The following MDH2 variants were observed in gnomAD, a reference collection of about 807,000 sequenced individuals.
The protein encoded by MDH2 is malate dehydrogenase 2, also known as malate dehydrogenase, mitochondrial.
Under a neutral mutation model 33.6 loss-of-function variants are expected in MDH2, and 25 were observed. That is an observed-to-expected ratio of 0.74 (90% confidence interval 0.54 to 1.04). The LOEUF (loss-of-function observed/expected upper bound fraction) is 1.04. Among genes scored for constraint, MDH2 ranks in the 50% least tolerant of loss-of-function variants. MDH2 has a pLI of 0.00. For synonymous variants in MDH2, 193 were observed against 188.7 expected (o/e 1.02, Z -0.19); for missense variants, 432 against 445.0 (o/e 0.97, Z 0.26).
chr7:76,066,161 C>T (rs1554587839), intron 8 of MDH2, 118 bp from the exon 9 acceptor site: 3 of 1,323,298 alleles, frequency 2.3e-6, no homozygotes, highest in Admixed American at 2.3e-5. Context: ...CAGCAAGGCA[C>T]CCAGAACCCG....
In MDH2 at chr7:76,048,204, G is replaced by A; in HGVS notation, c.44G>A (p.Arg15His). ...LARPASAALR[R>H]SFSTSAQNNA... is the part of the protein sequence containing the mutation. ...CGGCCTGCCAGCGCTGCTCTCCGCC[G>A]CAGCTTCAGCACCTCGGCCCAGGTA... Residue 15 changes from arginine to histidine, a missense_variant, in exon 1 of 9, where the codon CGC becomes CAC. By Grantham distance (29) the Arg-to-His change is conservative. Coordinates refer to ENST00000315758, the MANE Select transcript of MDH2 (RefSeq NM_005918.4). 1.3e-6 allele frequency: 2 copies of A among 1,536,130 alleles called. No homozygotes were observed. Among genetic ancestry groups the A allele is most frequent in the Non-Finnish European group, 1.7e-6 (2 of 1,146,796 alleles).
In MDH2 at chr7:76,048,217, C is replaced by G; in HGVS notation, c.57C>G (p.Thr19=). 1 of 1,535,618 alleles carries G rather than the reference C, an allele frequency of 6.5e-7. No homozygotes were observed. Among genetic ancestry groups the G allele is most frequent in the Non-Finnish European group, 8.7e-7 (1 of 1,146,616 alleles). ...CTGCTCTCCGCCGCAGCTTCAGCAC[C>G]TCGGCCCAGGTAGGCCAGACGAGGG... is the stretch of plus-strand genomic sequence containing the variant. ...ASAALRRSFS[T]SAQNNAKVAV... The change falls in exon 1 of 9, where the codon ACC becomes ACG. Residue 19 remains threonine, a synonymous_variant. Transcript: ENST00000315758.
intron 1 of MDH2, 77 bp from the exon 2 acceptor site, chr7:76,054,753 C>A: frequency 6.5e-7 from 1 of 1,549,878 alleles, no homozygotes; most frequent in Non-Finnish European, 8.8e-7. Context: ...AGGCCCAGTG[C>A]AACATTATAG....
Position 76,048,986 on chromosome 7 carries a change from G to T in MDH2, c.66+760G>T, listed in dbSNP as rs1585393653. 1.9e-4 allele frequency: 7 copies of T among 36,842 alleles called. 1 individual carries two copies. The South Asian group carries it at 4.3e-3, about 23-fold the overall frequency. The allele number at this position is 36,842 out of a possible 1,614,324, so 2.3% of individuals were successfully genotyped here. A position where few individuals can be genotyped will look rare whatever the true frequency, so the allele number is the denominator to read the frequency against. On this transcript the variant is annotated intron_variant, in intron 1 of 8. Transcript: ENST00000315758. Reference sequence around the variant, plus strand: ...ATTGAAGAAGCTTAAGACTGCGGGGGGGGGGGGGGGGGTCCGCATTTTTAC... The same window carrying T: ...ATTGAAGAAGCTTAAGACTGCGGGGTGGGGGGGGGGGGTCCGCATTTTTAC...
At chr7:76,056,391 G>A (rs962900499) in intron 2 of MDH2, among the ~76,000 whole-genome samples, 18 of 152,240 alleles carry the variant, frequency 1.2e-4, no homozygotes, top group Non-Finnish European at 1.2e-4. Flanking sequence ...CTCTGACAGC[G>A]TATGCGATAC....
intron 1 of MDH2, among the ~76,000 whole-genome samples, chr7:76,050,571 G>A (rs1797592508): frequency 1.3e-5 from 2 of 152,160 alleles, no homozygotes; most frequent in African/African-American, 4.8e-5. Context: ...GTAAAACTTT[G>A]GTATTTTCTC....
intron 8 of MDH2, chr7:76,065,313 C>T (rs1447040669): frequency 2.1e-5 from 4 of 190,240 alleles, no homozygotes; most frequent in South Asian, 1.3e-4. Context: ...CTGCGGGGGG[C>T]GGCCAGGCCC....
At chr7:76,050,057 A>G (rs1381234505) in intron 1 of MDH2, among the ~76,000 whole-genome samples, 7 of 151,104 alleles carry the variant, frequency 4.6e-5, no homozygotes, top group African/African-American at 1.7e-4. Context: ...GACCTGACAG[A>G]GTCCCACTCT....
chr7:76,065,143 A>ACCTCC, intron 8 of MDH2, 190 bp downstream of exon 8: 3 of 591,162 alleles, frequency 5.1e-6, no homozygotes, highest in Non-Finnish European at 8.5e-6. Context: ...TGAAGGGTGA[A>ACCTCC]CCTCCCAGCA....
chr7:76,066,393 G>C lies in MDH2; in HGVS notation c.1000G>C (p.Val334Leu). The change falls in exon 9 of 9, where the codon GTG (valine) becomes CTG (leucine). Residue 334 changes from valine to leucine, a missense_variant. Val to Leu is a conservative substitution (Grantham distance 32). Transcript: ENST00000315758. ...KASIKKGEDF[V>L]KTLK is the part of the protein sequence containing the mutation. ...CTCCATCAAGAAGGGGGAAGATTTC[G>C]TGAAGACCCTGAAGTGAGCCGCTGT... is the stretch of plus-strand genomic sequence containing the variant. 2 of 1,611,822 alleles carry C rather than the reference G, an allele frequency of 1.2e-6. No individual in the cohort carries two copies. Among genetic ancestry groups the C allele is most frequent in the Non-Finnish European group, 8.5e-7 (1 of 1,179,414 alleles).
At position 76,058,909 on chromosome 7, in the gene MDH2, G is replaced by A. The variant is rs141997831; in HGVS notation, c.429+831G>A. ...CAAAGGGTTGACCCCTGTCCTGGGCGGGATGGAGCCAGAGTTCATCCTGCT... is the reference window on the plus strand; with the variant it reads ...CAAAGGGTTGACCCCTGTCCTGGGCAGGATGGAGCCAGAGTTCATCCTGCT... On this transcript the variant is annotated intron_variant, in intron 4 of 8. Coordinates refer to ENST00000315758, the MANE Select transcript of MDH2 (RefSeq NM_005918.4). Among the ~76,000 whole-genome samples, 206 of 152,294 alleles carry A rather than the reference G, an allele frequency of 1.4e-3. 8 individuals carry two copies. In the South Asian group the frequency reaches 0.038, roughly 28 times the overall value.
At chr7:76,059,889 T>C (rs1263065663) in intron 4 of MDH2, among the ~76,000 whole-genome samples, 4 of 152,150 alleles carry the variant, frequency 2.6e-5, no homozygotes, top group Non-Finnish European at 5.9e-5. Flanking sequence ...AGTCATTTAG[T>C]ATTTATGACT....
At chr7:76,054,446 T>G (rs1797712112) in intron 1 of MDH2, 1 of 268,084 alleles carries the variant, frequency 3.7e-6, no homozygotes, top group African/African-American at 2.3e-5. Context: ...AGCAGGGATC[T>G]TCCTGCAACC....
At position 76,066,344 on chromosome 7, in the gene MDH2, G is replaced by C. The variant is rs140818187; in HGVS notation, c.951G>C (p.Ser317=). Residue 317 remains serine (S), a synonymous_variant, in exon 9 of 9, where the codon TCG becomes TCC. Coordinates refer to ENST00000315758, the MANE Select transcript of MDH2 (RefSeq NM_005918.4). ...KVSSFEEKMI[S]DAIPELKASI... ...CCTCTTTTGAGGAGAAGATGATCTCGGATGCCATCCCCGAGCTGAAGGCCT... is the reference window on the plus strand; with the variant it reads ...CCTCTTTTGAGGAGAAGATGATCTCCGATGCCATCCCCGAGCTGAAGGCCT... 1.1e-5 allele frequency: 18 copies of C among 1,610,618 alleles called. No individual in the cohort carries two copies. The highest frequency in any genetic ancestry group is 2.7e-5 in the African/African-American group (2 of 73,894).
chr7:76,049,192 C>A, intron 1 of MDH2: 1 of 821,486 alleles, frequency 1.2e-6, no homozygotes, highest in Non-Finnish European at 1.5e-6. Context: ...GGATTGATGG[C>A]TACTTCCCAT....
intron 1 of MDH2, among the ~76,000 whole-genome samples, chr7:76,049,345 G>A (rs1388056063): frequency 2.0e-5 from 3 of 152,180 alleles, no homozygotes; most frequent in African/African-American, 4.8e-5. Context: ...TGGGGGCCCA[G>A]CTGTATACAG....
intron 4 of MDH2, among the ~76,000 whole-genome samples, chr7:76,059,261 T>C (rs1282081208): frequency 6.6e-6 from 1 of 152,208 alleles, no homozygotes; most frequent in Admixed American, 6.5e-5. Context: ...AACCCATGAA[T>C]TCTTTATTTC....
rs1242693093 is a variant in MDH2 at position 76,052,711 on chromosome 7, A to AT, written c.67-2111dup. 8.6e-4 allele frequency among the ~76,000 whole-genome samples: 130 copies of AT among 151,612 alleles called. 2 individuals are homozygous for AT. Among genetic ancestry groups the AT allele is most frequent in the Non-Finnish European group, 2.8e-4 (19 of 67,886 alleles). ...CGGTGCGCGCCACCATGTCTGGCTA[A>AT]TTTTTTTTATTATTAGTAGAGATGG... is the stretch of plus-strand genomic sequence containing the variant. On this transcript the variant is annotated intron_variant, in intron 1 of 8. Coordinates refer to ENST00000315758, the MANE Select transcript of MDH2 (RefSeq NM_005918.4).
rs1194620113 is a variant in MDH2, at chr7:76,066,569, A to G, written c.*159A>G. The G allele has an allele frequency of 4.7e-6, 4 of 846,476 alleles. No homozygotes were observed. In the South Asian group the frequency reaches 8.5e-5, roughly 18 times the overall value. The allele number at this position is 846,476 out of a possible 1,614,324, so 52.4% of individuals were successfully genotyped here. The stretch of plus-strand genomic sequence containing the variant: ...TGTGGGTGGCTCTGTGGGCGCATCA[A>G]TAAAAGCCGTCCTTGATTTTATTTT... On this transcript the variant is annotated 3_prime_UTR_variant, in exon 9 of 9. Coordinates refer to ENST00000315758, the MANE Select transcript of MDH2 (RefSeq NM_005918.4).
Sources: allele counts gnomAD v4.1 joint callset (sites outside exome capture counted in the v4.1 genomes callset), GRCh38; gene constraint gnomAD v4.1.1; transcripts MANE v1.5; gene names NCBI Gene and HGNC (gene_info 2026-07-23, HGNC 2026-07-21).